The following RTTN variants were observed in gnomAD, a reference collection of about 807,000 sequenced individuals.
RTTN encodes rotatin.
Under a neutral mutation model 269.2 loss-of-function variants are expected in RTTN, and 182 were observed. That is an observed-to-expected ratio of 0.68 (90% CI 0.60 to 0.76). The LOEUF is 0.76. Ranked by LOEUF, RTTN falls within the 30% of genes least tolerant of loss-of-function variation. The pLI, the probability that RTTN is intolerant of heterozygous loss-of-function variation, is 0.00. For missense variants in RTTN, 2,545 were observed against 2,608.6 expected, an observed-to-expected ratio of 0.98 and a Z score of 0.53; for synonymous variants, 1,006 against 963.5, an observed-to-expected ratio of 1.04 and a Z score of -0.82.
intron 28 of RTTN, among the ~76,000 whole-genome samples, chr18:70,099,204 C>G (rs1383690670): frequency 6.6e-6 from 1 of 152,134 alleles, no homozygotes; most frequent in Non-Finnish European, 1.5e-5. Flanking sequence ...GTTTACAGTT[C>G]CACCAACAGT....
intron 46 of RTTN, among the ~76,000 whole-genome samples, chr18:70,010,865 A>T (rs1599088369): frequency 6.6e-6 from 1 of 152,216 alleles, no homozygotes; most frequent in East Asian, 1.9e-4. Flanking sequence ...AAGAAAAGAG[A>T]GAAGAATCAA....
rs547571036 is a variant in RTTN, at chr18:70,043,830, T to A, written c.5541+4141A>T. On this transcript the variant is annotated intron_variant, in intron 40 of 48. Coordinates refer to ENST00000640769, the MANE Select transcript of RTTN (RefSeq NM_173630.4). ...AGAACTGACTTTCTATCAGTTTCCATACAGTACTTACTGCAGACTGAAAAG... is the reference window on the plus strand; with the variant it reads ...AGAACTGACTTTCTATCAGTTTCCAAACAGTACTTACTGCAGACTGAAAAG... 1.1e-4 allele frequency among the ~76,000 whole-genome samples: 16 copies of A among 152,330 alleles called. No homozygotes were observed. The South Asian group carries it at 3.3e-3, about 32-fold the overall frequency.
intron 40 of RTTN, among the ~76,000 whole-genome samples, chr18:70,042,862 G>A (rs1205847716): frequency 6.6e-6 from 1 of 152,200 alleles, no homozygotes; most frequent in East Asian, 1.9e-4. Flanking sequence ...TTCTCTGAAA[G>A]CTAAGGGAGA....
At chr18:70,121,725 G>A (rs942603519) in intron 25 of RTTN, 25 bp from the exon 26 acceptor site, 1 of 1,515,314 alleles carries the variant, frequency 6.6e-7, no homozygotes, top group African/African-American at 1.4e-5. Context: ...CAATAATCAT[G>A]GTTTCTGGCG....
At chr18:70,133,775 T>C (rs1352523045) in intron 23 of RTTN, among the ~76,000 whole-genome samples, 2 of 152,152 alleles carry the variant, frequency 1.3e-5, no homozygotes, top group African/African-American at 2.4e-5. Context: ...TGTCAATCTG[T>C]GTGAGATAAA....
chr18:70,087,523 C>T (rs1166374723), intron 31 of RTTN, among the ~76,000 whole-genome samples: 1 of 151,762 alleles, frequency 6.6e-6, no homozygotes, highest in Admixed American at 6.6e-5. Context: ...AAACCATTTA[C>T]ATGAATCATT....
At chr18:70,157,740 C>T (rs565144380) in intron 14 of RTTN, among the ~76,000 whole-genome samples, 1 of 152,056 alleles carries the variant, frequency 6.6e-6, no homozygotes, top group East Asian at 1.9e-4. Flanking sequence ...ATGATTGGAT[C>T]TGACACAAAC....
intron 10 of RTTN, among the ~76,000 whole-genome samples, chr18:70,184,087 C>T (rs1459678463): frequency 6.6e-6 from 1 of 152,170 alleles, no homozygotes; most frequent in Non-Finnish European, 1.5e-5. Context: ...AATCAAGACA[C>T]TCAACATGGT....
At chr18:70,163,714 T>C (rs182927226) in intron 14 of RTTN, among the ~76,000 whole-genome samples, 3 of 152,316 alleles carry the variant, frequency 2.0e-5, no homozygotes, top group African/African-American at 7.2e-5. Flanking sequence ...CATTATACTT[T>C]CCAGTTGAGC....
Position 70,028,743 on chromosome 18 carries a change from T to C in RTTN, c.5804A>G (p.Tyr1935Cys). ...IAMQLLRNCL[Y>C]QNEECKEAAL... ...ACTTACTTTACATTCCTCATTTTGA[T>C]AAAGACAGTTTCTTAGGAGCTGCAT... Residue 1935 changes from tyrosine (Y) to cysteine (C), a missense_variant, in exon 43 of 49, where the codon TAT becomes TGT. Transcript: ENST00000640769. The C allele has an allele frequency of 6.2e-7, 1 of 1,609,470 alleles. No homozygotes were observed. The highest frequency in any genetic ancestry group is 8.5e-7 in the Non-Finnish European group (1 of 1,177,196).
In RTTN at chr18:70,004,175, G is replaced by A. The variant is rs752615550; in HGVS notation, c.6657C>T (p.Leu2219=). 8.1e-6 allele frequency: 13 copies of A among 1,613,400 alleles called. No individual in the cohort carries two copies. The African/African-American group carries it at 1.1e-4, about 13-fold the overall frequency. The change falls in exon 49 of 49, where the codon CTC becomes CTT. Residue 2219 remains leucine, a synonymous_variant. Transcript: ENST00000640769. ...CTCAGGAAGAATTAAGGAGCTGCAC[G>A]AGGTTTTCAAGACATTTCAAATAAT... ...NAYYLKCLEN[L]VQLLNSS
intron 21 of RTTN, among the ~76,000 whole-genome samples, chr18:70,135,490 G>C (rs934236707): frequency 3.9e-5 from 6 of 152,142 alleles, no homozygotes; most frequent in Non-Finnish European, 8.8e-5. Context: ...GATAGGTTTA[G>C]GGTGGAGCCT....
intron 40 of RTTN, among the ~76,000 whole-genome samples, chr18:70,034,580 T>C (rs752992223): frequency 1.3e-5 from 2 of 152,206 alleles, no homozygotes; most frequent in African/African-American, 2.4e-5. Flanking sequence ...AAACCTGCTG[T>C]CTACATCATA....
At chr18:70,174,858 T>TAA (rs66794784) in intron 11 of RTTN, among the ~76,000 whole-genome samples, 2 of 143,688 alleles carry the variant, frequency 1.4e-5, no homozygotes, top group Non-Finnish European at 3.1e-5. Flanking sequence ...TGGTCTCTAC[T>TAA]AAAAAAAAAA....
In RTTN at chr18:70,006,351, C is replaced by T. The variant is rs1157519346; in HGVS notation, c.6525+30G>A. 7.9e-6 allele frequency: 12 copies of T among 1,514,562 alleles called. No homozygotes were observed. In the Admixed American group the frequency reaches 1.8e-4, roughly 23 times the overall value. The allele number at this position is 1,514,562 out of a possible 1,614,324, so 93.8% of individuals were successfully genotyped here. ...TGGGTTATACCTTGTTGTTTGCTCC[C>T]CAGGTGTAACAATGATTTTTAAAAC... is the stretch of plus-strand genomic sequence containing the variant. On this transcript the variant is annotated intron_variant, in intron 47 of 48. Coordinates refer to ENST00000640769, the MANE Select transcript of RTTN (RefSeq NM_173630.4).
At chr18:70,128,088 G>A in intron 24 of RTTN, 1 of 422,054 alleles carries the variant, frequency 2.4e-6, no homozygotes, top group Non-Finnish European at 4.2e-6. Flanking sequence ...CCTTTTCCTA[G>A]TGATTCATAT....
intron 11 of RTTN, among the ~76,000 whole-genome samples, chr18:70,170,662 G>A (rs73966819): frequency 0.087 from 13,265 of 152,172 alleles, 1,271 homozygotes; most frequent in African/African-American, 0.24. Context: ...GCTTTGGGTC[G>A]TCATAAGGAA....
intron 35 of RTTN, among the ~76,000 whole-genome samples, chr18:70,064,805 T>G (rs2058088551): frequency 6.6e-6 from 1 of 152,180 alleles, no homozygotes; most frequent in Admixed American, 6.5e-5. Flanking sequence ...CAATAAAGTA[T>G]ACACTTTAAA....
intron 11 of RTTN, among the ~76,000 whole-genome samples, chr18:70,174,181 G>GT (rs1380363331): frequency 2.7e-4 from 40 of 148,454 alleles, no homozygotes; most frequent in African/African-American, 8.4e-4. Flanking sequence ...CAGAATTAAT[G>GT]TTTTTTTCTG....
Sources: allele counts gnomAD v4.1 joint callset (sites outside exome capture counted in the v4.1 genomes callset), GRCh38; gene constraint gnomAD v4.1.1; transcripts MANE v1.5; gene names NCBI Gene and HGNC (gene_info 2026-07-23, HGNC 2026-07-21).